TMA16: variants seen among roughly 807,000 people sequenced by gnomAD.
The protein encoded by TMA16 is translation machinery associated 16 homolog.
A neutral mutation model predicts 27.1 loss-of-function variants in TMA16; 26 were observed. That is an observed-to-expected ratio of 0.96 (90% CI 0.70 to 1.33). The LOEUF is 1.33. TMA16 is among the 40% of genes most tolerant of loss of function. TMA16 has a pLI of 0.00. For synonymous variants in TMA16, 71 were observed against 81.9 expected, an observed-to-expected ratio of 0.87 and a Z score of 0.72; for missense variants, 233 against 241.4, an observed-to-expected ratio of 0.97 and a Z score of 0.23.
chr4:163,509,546 C>G (rs556284599), intron 2 of TMA16, among the ~76,000 whole-genome samples: 1 of 152,288 alleles, frequency 6.6e-6, no homozygotes, highest in South Asian at 2.1e-4. Context: ...AAGCTGTTGT[C>G]TGGGACTGCA....
At chr4:163,514,945 A>G (rs1045769268) in intron 4 of TMA16, among the ~76,000 whole-genome samples, 2 of 152,014 alleles carry the variant, frequency 1.3e-5, no homozygotes, top group Admixed American at 6.6e-5. Context: ...CCTCGTCTGG[A>G]CAACTGTTTC....
chr4:163,506,552 C>G (rs958179138), intron 1 of TMA16, among the ~76,000 whole-genome samples: 4 of 152,162 alleles, frequency 2.6e-5, no homozygotes, highest in African/African-American at 7.2e-5. Flanking sequence ...ATTATTTTCT[C>G]TATTCCTAAT....
rs13140882 is a variant in TMA16 at position 163,506,561 on chromosome 4, A to T, written c.4-472A>T. On this transcript the variant is annotated intron_variant, in intron 1 of 6. Transcript: ENST00000358572. Reference sequence around the variant, plus strand: ...GCTTCTATTATTTTCTCTATTCCTAATTTGTACAGGCAATGAGCCCAGCTT... The same window carrying T: ...GCTTCTATTATTTTCTCTATTCCTATTTTGTACAGGCAATGAGCCCAGCTT... Among the ~76,000 whole-genome samples, 917 of 152,254 alleles carry T rather than the reference A, an allele frequency of 6.0e-3. 9 individuals carry two copies. The highest frequency in any genetic ancestry group is 0.01 in the Admixed American group (156 of 15,292).
chr4:163,512,235 G>A (rs1162202261), intron 2 of TMA16, among the ~76,000 whole-genome samples: 1 of 151,968 alleles, frequency 6.6e-6, no homozygotes. Context: ...GTATCCTTTG[G>A]GGCTATCAGA....
intron 2 of TMA16, among the ~76,000 whole-genome samples, chr4:163,511,026 T>C (rs1026121327): frequency 6.6e-6 from 1 of 152,226 alleles, no homozygotes; most frequent in African/African-American, 2.4e-5. Flanking sequence ...AAATTCAGTT[T>C]ATAAGACGTT....
intron 1 of TMA16, among the ~76,000 whole-genome samples, chr4:163,503,740 C>CCT (rs1737680695): frequency 6.6e-6 from 1 of 152,048 alleles, no homozygotes; most frequent in Non-Finnish European, 1.5e-5. Flanking sequence ...TCAAAATGGT[C>CCT]TGTTAGTTAT....
intron 1 of TMA16, among the ~76,000 whole-genome samples, chr4:163,504,513 T>C (rs968652835): frequency 2.6e-4 from 40 of 152,154 alleles, no homozygotes; most frequent in African/African-American, 9.7e-4. Flanking sequence ...GTTGTTTTGT[T>C]TTGAGGCAGA....
At chr4:163,508,881 A>G (rs1174784991) in intron 2 of TMA16, among the ~76,000 whole-genome samples, 2 of 152,240 alleles carry the variant, frequency 1.3e-5, no homozygotes, top group Non-Finnish European at 2.9e-5. Flanking sequence ...ATGGAAGAAT[A>G]AAACAGAACA....
At chr4:163,500,958 T>C (rs1439176324) in intron 1 of TMA16, among the ~76,000 whole-genome samples, 1 of 152,258 alleles carries the variant, frequency 6.6e-6, no homozygotes, top group African/African-American at 2.4e-5. Flanking sequence ...ATCTATTTTG[T>C]GTGTGACCTG....
At chr4:163,515,500 T>C in intron 5 of TMA16, 39 bp downstream of exon 5, 1 of 1,547,908 alleles carries the variant, frequency 6.5e-7, no homozygotes. Context: ...TTATATGACA[T>C]AGCAGTATCA....
rs1737861150 is a variant in TMA16, at chr4:163,515,381, G to A, written c.308G>A (p.Gly103Glu). The change falls in exon 5 of 7, where the codon GGG becomes GAG. Residue 103 changes from glycine (G) to glutamate (E), a missense_variant. Gly to Glu is a moderately conservative substitution (Grantham distance 98). Transcript: ENST00000358572. ...CATAACAGTATCAGGGACAGGCAGG[G>A]GAGGCGGCACTGTTCCCGGGAGACC... ...ELHNSIRDRQ[G>E]RRHCSRETVI... is the part of the protein sequence containing the mutation. 2.5e-6 allele frequency: 4 copies of A among 1,614,100 alleles called. No homozygotes were observed. In the East Asian group the frequency reaches 6.7e-5, roughly 27 times the overall value.
At chr4:163,498,519 C>T (rs1052423852) in intron 1 of TMA16, among the ~76,000 whole-genome samples, 48 of 152,220 alleles carry the variant, frequency 3.2e-4, no homozygotes, top group African/African-American at 1.1e-3. Flanking sequence ...GATCTCCTGA[C>T]CTCATGATCT....
rs145309529 is a variant in TMA16 at position 163,518,496 on chromosome 4, G to GATATA, written c.432-838_432-837insATATA. Reference sequence around the variant, plus strand: ...TGTATTCAACAAAGGCCTAATATCTGGAATCTATAAGAAACAAATGAATCA... The same window carrying GATATA: ...TGTATTCAACAAAGGCCTAATATCTGATATAGAATCTATAAGAAACAAATGAATCA... On this transcript the variant is annotated intron_variant, in intron 6 of 6. Transcript: ENST00000358572. 9.3e-3 allele frequency among the ~76,000 whole-genome samples: 1,411 copies of GATATA among 152,094 alleles called. 22 individuals are homozygous for GATATA. Among genetic ancestry groups the GATATA allele is most frequent in the East Asian group, 0.067 (347 of 5,182 alleles).
chr4:163,513,915 T>C lies in TMA16; in HGVS notation c.155-159T>C, dbSNP rs542764032. Reference sequence around the variant, plus strand: ...TCTGACAGTTTAATTTGTGACAGACTGGTTTAATTAGCTTTGAGCCCACAC... The same window carrying C: ...TCTGACAGTTTAATTTGTGACAGACCGGTTTAATTAGCTTTGAGCCCACAC... On this transcript the variant is annotated intron_variant, in intron 3 of 6. Coordinates refer to ENST00000358572, the MANE Select transcript of TMA16 (RefSeq NM_018352.3). Among the ~76,000 whole-genome samples, 7 of 152,326 alleles carry C rather than the reference T, an allele frequency of 4.6e-5. No individual in the cohort carries two copies. The East Asian group carries it at 1.2e-3, about 25-fold the overall frequency.
chr4:163,517,790 G>C (rs1737903543), intron 6 of TMA16, among the ~76,000 whole-genome samples: 1 of 152,056 alleles, frequency 6.6e-6, no homozygotes, highest in Non-Finnish European at 1.5e-5. Flanking sequence ...AACAGCAACA[G>C]ACGTGATGGC....
At chr4:163,512,926 T>C (rs755186966) in intron 3 of TMA16, 67 bp downstream of exon 3, 345 of 1,185,392 alleles carry the variant, frequency 2.9e-4, no homozygotes, top group Non-Finnish European at 3.9e-4. Flanking sequence ...TACTTGTTTT[T>C]CTTTTTACTC....
chr4:163,507,202 TA>T, intron 2 of TMA16, 57 bp downstream of exon 2: 1 of 1,411,582 alleles, frequency 7.1e-7, no homozygotes, highest in South Asian at 1.3e-5. Flanking sequence ...TTTATACTTT[TA>T]TCTTTCAAAC....
chr4:163,513,865 C>T (rs1263713585), intron 3 of TMA16, among the ~76,000 whole-genome samples: 2 of 152,224 alleles, frequency 1.3e-5, no homozygotes, highest in Non-Finnish European at 2.9e-5. Context: ...ATCCCTCCCA[C>T]TCCTCTTTCT....
intron 2 of TMA16, among the ~76,000 whole-genome samples, chr4:163,510,521 T>C (rs1158291655): frequency 6.6e-6 from 1 of 152,224 alleles, no homozygotes; most frequent in East Asian, 1.9e-4. Context: ...TCACGTAGCA[T>C]AATGTTTGAG....
Sources: allele counts gnomAD v4.1 joint callset (sites outside exome capture counted in the v4.1 genomes callset), GRCh38; gene constraint gnomAD v4.1.1; transcripts MANE v1.5; gene names NCBI Gene and HGNC (gene_info 2026-07-23, HGNC 2026-07-21).